Variants in RPS6KA3 observed in about 807,000 individuals in gnomAD.
RPS6KA3 encodes the protein ribosomal protein S6 kinase A3, also known as ribosomal protein S6 kinase alpha-3.
A neutral mutation model predicts 67.2 loss-of-function variants in RPS6KA3; 4 were observed. That is an observed-to-expected ratio of 0.06 (90% confidence interval 0.03 to 0.14). RPS6KA3 has a LOEUF of 0.14. Among genes scored for constraint, RPS6KA3 ranks in the 10% least tolerant of loss-of-function variants. The pLI, the probability that RPS6KA3 is intolerant of heterozygous loss-of-function variation, is 1.00. For synonymous variants in RPS6KA3, 182 were observed against 183.7 expected, an observed-to-expected ratio of 0.99 and a Z score of 0.07; for missense variants, 204 against 559.0, an observed-to-expected ratio of 0.36 and a Z score of 6.40.
chrX:20,197,710 G>A (rs2068308869), intron 4 of RPS6KA3, among the ~76,000 whole-genome samples: 1 of 111,324 alleles, frequency 9.0e-6, no homozygotes, highest in South Asian at 3.7e-4. Flanking sequence ...TTCTAATCTC[G>A]TTTCTTTTGC....
chrX:20,242,958 G>C (rs1362683090), intron 1 of RPS6KA3, among the ~76,000 whole-genome samples: 1 of 110,557 alleles, frequency 9.0e-6, no homozygotes, highest in South Asian at 3.7e-4. Context: ...TGAAATGTTT[G>C]ATAATCATAA....
At chrX:20,227,864 T>C (rs1320189748) in intron 2 of RPS6KA3, among the ~76,000 whole-genome samples, 1 of 110,957 alleles carries the variant, frequency 9.0e-6, no homozygotes, top group East Asian at 2.8e-4. Context: ...TGGTATTTCT[T>C]TCCTGCTTTC....
At chrX:20,196,976 ATT>A (rs2068290166) in intron 4 of RPS6KA3, among the ~76,000 whole-genome samples, 1 of 111,501 alleles carries the variant, frequency 9.0e-6, no homozygotes. Flanking sequence ...AGCAGCTGGG[ATT>A]ACAGGCTTGT....
At chrX:20,235,962 T>C (rs1187737988) in intron 1 of RPS6KA3, among the ~76,000 whole-genome samples, 1 of 111,835 alleles carries the variant, frequency 8.9e-6, no homozygotes, top group Admixed American at 9.5e-5. Context: ...TACATCCTTA[T>C]AATGGAATAC....
chrX:20,165,094 CA>C, intron 17 of RPS6KA3, 34 bp from the exon 18 acceptor site: 1 of 1,070,719 alleles, frequency 9.3e-7, no homozygotes, highest in Non-Finnish European at 1.3e-6. Context: ...GTTATGTTAA[CA>C]ATATATTTCC....
At chrX:20,240,284 ACTT>A (rs2069517419) in intron 1 of RPS6KA3, among the ~76,000 whole-genome samples, 1 of 78,383 alleles carries the variant, frequency 1.3e-5, no homozygotes, top group Admixed American at 1.5e-4. Context: ...CAAGGACCAT[ACTT>A]TTTTTTTTTT....
chrX:20,167,572 G>A lies in RPS6KA3; in HGVS notation c.1602+17C>T, dbSNP rs778684848. 3.3e-6 allele frequency: 4 copies of A among 1,195,612 alleles called. No individual in the cohort carries two copies. The Admixed American group carries it at 8.7e-5, about 26-fold the overall frequency. ...AAAAGTGTGTGTATGTACATATAGA[G>A]TGGTAAAAAGACTTACCCCTTGTGC... On this transcript the variant is annotated intron_variant, in intron 17 of 21. Transcript: ENST00000379565.
At chrX:20,208,395 G>A (rs185443403) in intron 3 of RPS6KA3, among the ~76,000 whole-genome samples, 65 of 111,166 alleles carry the variant, frequency 5.8e-4, no homozygotes, top group African/African-American at 1.9e-3. Context: ...TGGGAGACAA[G>A]CGCTACATGA....
intron 7 of RPS6KA3, among the ~76,000 whole-genome samples, chrX:20,189,681 G>A (rs1461388094): frequency 1.8e-5 from 2 of 112,115 alleles, no homozygotes; most frequent in Non-Finnish European, 3.8e-5. Flanking sequence ...AATATTTCTG[G>A]ATAGGTATGG....
chrX:20,174,730 G>C (rs1212500644), intron 14 of RPS6KA3, among the ~76,000 whole-genome samples: 1 of 110,826 alleles, frequency 9.0e-6, no homozygotes, highest in African/African-American at 3.3e-5. Flanking sequence ...AAATTCCTAA[G>C]AGTAAAGTTA....
At chrX:20,164,851 T>C (rs1241950866) in intron 18 of RPS6KA3, 48 bp downstream of exon 18, 2 of 963,361 alleles carry the variant, frequency 2.1e-6, no homozygotes, top group East Asian at 3.1e-5. Context: ...ACATAGTGAA[T>C]GAGTTTTAAA....
intron 1 of RPS6KA3, 61 bp downstream of exon 1, chrX:20,266,503 A>T: frequency 1.0e-6 from 1 of 969,295 alleles, no homozygotes; most frequent in South Asian, 2.0e-5. Context: ...CGGGGAGCGA[A>T]GCGAGCCGGC....
At chrX:20,159,031 C>T (rs2067249173) in intron 20 of RPS6KA3, among the ~76,000 whole-genome samples, 1 of 112,242 alleles carries the variant, frequency 8.9e-6, no homozygotes, top group Admixed American at 9.5e-5. Context: ...TTGTATTCTA[C>T]AAATCAGTGA....
rs776716188 is a variant in RPS6KA3 at position 20,256,320 on chromosome X, T to A, written c.69+10244A>T. On this transcript the variant is annotated intron_variant, in intron 1 of 21. Transcript: ENST00000379565. Reference sequence around the variant, plus strand: ...TACGATAGCAAGATAATTGTTAACATTTTTGGGTTGAGCCAAATTCTGTTT... The same window carrying A: ...TACGATAGCAAGATAATTGTTAACAATTTTGGGTTGAGCCAAATTCTGTTT... Among the ~76,000 whole-genome samples the A allele has an allele frequency of 1.1e-4, 12 of 110,578 alleles. No homozygotes were observed. In the South Asian group the frequency reaches 2.7e-3, roughly 25 times the overall value.
intron 2 of RPS6KA3, among the ~76,000 whole-genome samples, chrX:20,232,997 G>A (rs755878349): frequency 8.1e-5 from 9 of 111,104 alleles, no homozygotes; most frequent in Admixed American, 1.9e-4. Context: ...TCAGTCAGGC[G>A]TGGTGACGGT....
Position 20,264,499 on chromosome X carries a change from A to G in RPS6KA3, c.69+2065T>C, listed in dbSNP as rs750434938. Among the ~76,000 whole-genome samples, 179 of 112,330 alleles carry G rather than the reference A, an allele frequency of 1.6e-3. 2 individuals are homozygous for G. The highest frequency in any genetic ancestry group is 5.4e-3 in the African/African-American group (167 of 31,002). ...GCTTTGAATTATGGCTCTGCCATTTACTATTTATCATCTTTGTACCTTTTA... is the reference window on the plus strand; with the variant it reads ...GCTTTGAATTATGGCTCTGCCATTTGCTATTTATCATCTTTGTACCTTTTA... On this transcript the variant is annotated intron_variant, in intron 1 of 21. Coordinates refer to ENST00000379565, the MANE Select transcript of RPS6KA3 (RefSeq NM_004586.3).
At chrX:20,219,509 TGTTA>T (rs2068938355) in intron 2 of RPS6KA3, among the ~76,000 whole-genome samples, 1 of 111,950 alleles carries the variant, frequency 8.9e-6, no homozygotes, top group Non-Finnish European at 1.9e-5. Flanking sequence ...TTTGAATTTA[TGTTA>T]GTCATAAGCA....
intron 1 of RPS6KA3, among the ~76,000 whole-genome samples, chrX:20,252,954 C>T (rs1017786967): frequency 2.7e-5 from 3 of 110,958 alleles, no homozygotes; most frequent in Non-Finnish European, 3.8e-5. Context: ...CCCTGGCTCA[C>T]GTCACCTTGT....
At chrX:20,193,996 GTTTA>G (rs1332331548) in intron 6 of RPS6KA3, among the ~76,000 whole-genome samples, 189 bp downstream of exon 6, 1 of 112,405 alleles carries the variant, frequency 8.9e-6, no homozygotes, top group African/African-American at 3.2e-5. Flanking sequence ...GACAAAGACT[GTTTA>G]TTTGTCAATT....
Sources: gnomAD v4.1 joint callset for allele counts (sites outside exome capture counted in the v4.1 genomes callset) on GRCh38, gnomAD v4.1.1 for gene constraint, MANE v1.5 for transcripts, NCBI Gene and HGNC (gene_info 2026-07-23, HGNC 2026-07-21) for gene names.